The following PTPN21 variants were observed in gnomAD, a reference collection of about 807,000 sequenced individuals.
PTPN21 encodes the protein tyrosine-protein phosphatase non-receptor type 21.
In PTPN21, 77 loss-of-function variants were observed where a neutral mutation model predicts 131.8. The observed-to-expected ratio is 0.58, with a 90% CI of 0.49 to 0.71. PTPN21 has a LOEUF of 0.71. PTPN21 is among the 30% of genes least tolerant of loss of function. PTPN21 has a pLI of 0.00. For synonymous variants in PTPN21, 715 were observed against 621.3 expected (o/e 1.15, Z -2.24); for missense variants, 1,552 against 1,527.1 (o/e 1.02, Z -0.27).
chr14:88,535,285 A>G (rs1224367301), intron 2 of PTPN21, among the ~76,000 whole-genome samples: 8 of 152,218 alleles, frequency 5.3e-5, no homozygotes, highest in South Asian at 2.1e-4. Flanking sequence ...TCACACAACA[A>G]TGAAATTGCC....
chr14:88,484,987 A>G, intron 12 of PTPN21, 89 bp downstream of exon 12: 3 of 1,166,098 alleles, frequency 2.6e-6, no homozygotes, highest in Non-Finnish European at 3.8e-6. Context: ...CTTCAGCCAA[A>G]AACTGTCCAG....
chr14:88,517,365 T>C, intron 2 of PTPN21, 104 bp from the exon 3 acceptor site: 7 of 1,252,934 alleles, frequency 5.6e-6, no homozygotes, highest in Non-Finnish European at 7.8e-6. Flanking sequence ...CAGCAGTCTC[T>C]TATTGCCTTT....
At chr14:88,518,324 A>ACAC (rs2078321546) in intron 2 of PTPN21, among the ~76,000 whole-genome samples, 1 of 111,666 alleles carries the variant, frequency 9.0e-6, no homozygotes, top group African/African-American at 3.2e-5. Flanking sequence ...ATATACGTAT[A>ACAC]TATACACATA....
intron 14 of PTPN21, among the ~76,000 whole-genome samples, chr14:88,472,724 G>A (rs2077490223): frequency 6.6e-6 from 1 of 152,068 alleles, no homozygotes; most frequent in African/African-American, 2.4e-5. Context: ...TAAAAAACGA[G>A]CCAGGTGTGG....
In PTPN21 at chr14:88,479,802, G is replaced by C; in HGVS notation, c.1629C>G (p.Thr543=). The C allele has an allele frequency of 6.5e-7, 1 of 1,546,074 alleles. No individual in the cohort carries two copies. Among genetic ancestry groups the C allele is most frequent in the African/African-American group, 1.4e-5 (1 of 73,980 alleles). The change falls in exon 13 of 19, where the codon ACC becomes ACG. Residue 543 remains threonine, a synonymous_variant. Coordinates refer to ENST00000556564, the MANE Select transcript of PTPN21 (RefSeq NM_007039.4). ...VVGAVSVPEL[T]NAQLQAQDYP... ...AGTCCTGCGCCTGCAGCTGCGCATT[G>C]GTCAGCTCCGGCACGCTGACCGCGC...
intron 4 of PTPN21, 89 bp downstream of exon 4, chr14:88,507,834 T>C: frequency 5.4e-6 from 4 of 741,404 alleles, no homozygotes; most frequent in Non-Finnish European, 8.6e-6. Context: ...AAGATGTATA[T>C]AGATAGATAA....
intron 5 of PTPN21, among the ~76,000 whole-genome samples, chr14:88,504,936 T>C (rs2078064904): frequency 2.0e-5 from 3 of 152,236 alleles, no homozygotes. Flanking sequence ...ACTTTTTAAA[T>C]TGCTGATGAG....
intron 2 of PTPN21, among the ~76,000 whole-genome samples, chr14:88,527,156 C>T (rs1375338760): frequency 6.6e-6 from 1 of 152,142 alleles, no homozygotes; most frequent in East Asian, 1.9e-4. Flanking sequence ...GCTTCTTTTC[C>T]TCCTAGTAGA....
At chr14:88,481,867 T>C (rs951417732) in intron 12 of PTPN21, among the ~76,000 whole-genome samples, 6 of 152,270 alleles carry the variant, frequency 3.9e-5, no homozygotes, top group South Asian at 4.1e-4. Flanking sequence ...GGCACAACAA[T>C]GCGACTAGTA....
chr14:88,495,836 G>A (rs533687283), intron 10 of PTPN21, among the ~76,000 whole-genome samples: 1 of 152,148 alleles, frequency 6.6e-6, no homozygotes, highest in Non-Finnish European at 1.5e-5. Flanking sequence ...AAAGTCACCT[G>A]ACCACAACAA....
At chr14:88,505,988 T>C (rs1414292706) in intron 4 of PTPN21, among the ~76,000 whole-genome samples, 1 of 152,204 alleles carries the variant, frequency 6.6e-6, no homozygotes, top group Non-Finnish European at 1.5e-5. Flanking sequence ...ATAATTATTC[T>C]GATTAAATTT....
intron 15 of PTPN21, among the ~76,000 whole-genome samples, chr14:88,471,690 AAAAAG>A: frequency 6.6e-6 from 1 of 152,220 alleles, no homozygotes; most frequent in Non-Finnish European, 1.5e-5. Context: ...GAACACCATC[AAAAAG>A]CCCAGACACT....
At chr14:88,504,255 C>G (rs1294646582) in intron 6 of PTPN21, among the ~76,000 whole-genome samples, 170 bp downstream of exon 6, 1 of 152,122 alleles carries the variant, frequency 6.6e-6, no homozygotes, top group East Asian at 1.9e-4. Flanking sequence ...ACATGACACA[C>G]AGTGAGTGCT....
At chr14:88,537,264 AAG>A (rs2139349139) in intron 2 of PTPN21, among the ~76,000 whole-genome samples, 1 of 152,244 alleles carries the variant, frequency 6.6e-6, no homozygotes, top group East Asian at 1.9e-4. Flanking sequence ...ATCTTTAAGG[AAG>A]AGTCAAATGA....
chr14:88,477,458 A>C (rs866878783), intron 13 of PTPN21, among the ~76,000 whole-genome samples: 3,335 of 146,858 alleles, frequency 0.023, 205 homozygotes, highest in African/African-American at 0.085. Flanking sequence ...AAAAAAAAAA[A>C]AAAAAAAAAA....
intron 2 of PTPN21, among the ~76,000 whole-genome samples, chr14:88,528,577 G>C (rs779622238): frequency 7.9e-5 from 12 of 152,334 alleles, no homozygotes; most frequent in Non-Finnish European, 1.5e-4. Context: ...TTGTGGGAGG[G>C]ACCTGGTGGG....
chr14:88,552,416 G>A (rs1368756625), intron 1 of PTPN21: 2 of 152,316 alleles, frequency 1.3e-5, no homozygotes, highest in South Asian at 4.1e-4. Flanking sequence ...AATCTAAGAC[G>A]AATCCCTAAA....
At chr14:88,497,064 T>C (rs1411058718) in intron 9 of PTPN21, 139 bp downstream of exon 9, 1 of 804,324 alleles carries the variant, frequency 1.2e-6, no homozygotes, top group Non-Finnish European at 2.0e-6. Context: ...TGCTATATGA[T>C]AAAACTGCAT....
At chr14:88,485,759 A>T in intron 11 of PTPN21, 23 bp downstream of exon 11, 1 of 1,541,210 alleles carries the variant, frequency 6.5e-7, no homozygotes, top group Non-Finnish European at 9.0e-7. Flanking sequence ...TAAAAAAGCA[A>T]TCATATTTTC....
Sources: allele counts gnomAD v4.1 joint callset (sites outside exome capture counted in the v4.1 genomes callset), GRCh38; gene constraint gnomAD v4.1.1; transcripts MANE v1.5; gene names NCBI Gene and HGNC (gene_info 2026-07-23, HGNC 2026-07-21).